Variants in CEP120 observed in about 807,000 individuals in gnomAD.
CEP120 encodes the protein centrosomal protein of 120 kDa.
In CEP120, 113 loss-of-function variants were observed where a neutral mutation model predicts 126.5. The ratio of observed to expected loss-of-function variants is 0.89; its 90% CI spans 0.77 to 1.04. The LOEUF is 1.04. CEP120 is among the 50% of genes least tolerant of loss of function. The pLI is 0.00. For missense variants in CEP120, 1,230 were observed against 1,155.7 expected, an observed-to-expected ratio of 1.06 and a Z score of -0.93; for synonymous variants, 400 against 394.3, an observed-to-expected ratio of 1.01 and a Z score of -0.17.
chr5:123,383,593 C>G (rs1042226639), intron 11 of CEP120, among the ~76,000 whole-genome samples: 1 of 151,976 alleles, frequency 6.6e-6, no homozygotes, highest in Non-Finnish European at 1.5e-5. Flanking sequence ...AATTCCCCTA[C>G]TCTTGATTAT....
chr5:123,393,296 T>C lies in CEP120; in HGVS notation c.810+4A>G, dbSNP rs1056274752. ...AGCTAAAAACGATTTGCTGCAATAC[T>C]CACCTGCAGTTTAGACTGAAGAGCC... is the stretch of plus-strand genomic sequence containing the variant. On this transcript the variant is annotated splice_donor_region_variant and intron_variant, in intron 6 of 19. Coordinates refer to ENST00000306467, the MANE Select transcript of CEP120 (RefSeq NM_001375405.1). The C allele has an allele frequency of 6.2e-6, 10 of 1,613,798 alleles. No individual in the cohort carries two copies. The African/African-American group carries it at 1.1e-4, about 17-fold the overall frequency.
chr5:123,399,326 C>T (rs887389378), intron 4 of CEP120, 42 bp from the exon 5 acceptor site: 8 of 1,573,888 alleles, frequency 5.1e-6, no homozygotes, highest in Non-Finnish European at 6.1e-6. Context: ...TGTAGTTTGT[C>T]ATAAACCATT....
At chr5:123,380,325 C>CA (rs984567935) in intron 14 of CEP120, among the ~76,000 whole-genome samples, 2 of 151,980 alleles carry the variant, frequency 1.3e-5, no homozygotes, top group Non-Finnish European at 2.9e-5. Context: ...TATTTGGTCT[C>CA]AAAAATGCAC....
chr5:123,382,960 AT>A (rs1562041036), intron 12 of CEP120, 25 bp downstream of exon 12: 1 of 1,596,066 alleles, frequency 6.3e-7, no homozygotes, highest in East Asian at 2.2e-5. Context: ...TTTAAAAAAA[AT>A]TTGATAACAT....
chr5:123,388,346 G>T, intron 9 of CEP120, 86 bp downstream of exon 9: 3 of 872,670 alleles, frequency 3.4e-6, no homozygotes, highest in Non-Finnish European at 3.3e-6. Context: ...TAACTTCTTT[G>T]GTGACATTTC....
At chr5:123,379,091 T>C (rs1027502450) in intron 14 of CEP120, among the ~76,000 whole-genome samples, 1 of 151,870 alleles carries the variant, frequency 6.6e-6, no homozygotes, top group African/African-American at 2.4e-5. Flanking sequence ...AAGACAGAGA[T>C]AAACCGGGTA....
intron 4 of CEP120, chr5:123,401,558 T>G: frequency 1.5e-6 from 2 of 1,354,558 alleles, no homozygotes; most frequent in Non-Finnish European, 2.1e-6. Flanking sequence ...TGCCTTGACC[T>G]CAGCGATGAC....
At chr5:123,355,047 G>C (rs956253909) in intron 18 of CEP120, among the ~76,000 whole-genome samples, 21 of 147,104 alleles carry the variant, frequency 1.4e-4, no homozygotes, top group African/African-American at 5.3e-4. Context: ...TTGGTTTTTT[G>C]TCCTTGCAAT....
chr5:123,415,722 T>C (rs1023475272), intron 3 of CEP120, among the ~76,000 whole-genome samples: 14 of 151,996 alleles, frequency 9.2e-5, no homozygotes, highest in African/African-American at 3.4e-4. Context: ...AATACAAAAG[T>C]TAGCCAGGCG....
intron 18 of CEP120, among the ~76,000 whole-genome samples, chr5:123,355,535 A>G (rs1288893344): frequency 6.6e-6 from 1 of 152,198 alleles, no homozygotes; most frequent in East Asian, 1.9e-4. Context: ...TCTGATGGCC[A>G]GTGATGATGA....
At chr5:123,413,683 T>C (rs1000555550) in intron 3 of CEP120, among the ~76,000 whole-genome samples, 10 of 152,222 alleles carry the variant, frequency 6.6e-5, no homozygotes, top group African/African-American at 2.4e-4. Flanking sequence ...GTGCCTATAC[T>C]GCTATTTTAT....
intron 3 of CEP120, among the ~76,000 whole-genome samples, chr5:123,414,809 T>TA (rs1774276326): frequency 1.4e-5 from 2 of 147,762 alleles, no homozygotes; most frequent in Non-Finnish European, 3.0e-5. Context: ...TACTAAAAAT[T>TA]CAAAAAAAAA....
intron 11 of CEP120, 62 bp from the exon 12 acceptor site, chr5:123,383,144 T>A: frequency 3.0e-6 from 3 of 1,013,828 alleles, no homozygotes; most frequent in Non-Finnish European, 4.3e-6. Context: ...TTTTTCCTTT[T>A]ATTTCCCCAG....
chr5:123,402,527 T>C (rs1295712823), intron 4 of CEP120, among the ~76,000 whole-genome samples: 1 of 152,120 alleles, frequency 6.6e-6, no homozygotes, highest in Non-Finnish European at 1.5e-5. Context: ...TTCTGCTGCC[T>C]CCGCCTCCTG....
At chr5:123,377,746 A>G (rs1345257168) in intron 15 of CEP120, among the ~76,000 whole-genome samples, 1 of 152,158 alleles carries the variant, frequency 6.6e-6, no homozygotes, top group Non-Finnish European at 1.5e-5. Context: ...ATAAAAATCC[A>G]TAAACAATTT....
At chr5:123,349,648 T>C (rs1191355239) in intron 19 of CEP120, among the ~76,000 whole-genome samples, 1 of 152,140 alleles carries the variant, frequency 6.6e-6, no homozygotes, top group Non-Finnish European at 1.5e-5. Context: ...TTTCTTTCTT[T>C]TTAGATTTGA....
In CEP120 at chr5:123,414,684, C is replaced by T. The variant is rs190959938; in HGVS notation, c.321+1326G>A. 1.5e-3 allele frequency among the ~76,000 whole-genome samples: 234 copies of T among 152,078 alleles called. 2 individuals carry two copies. Among genetic ancestry groups the T allele is most frequent in the Non-Finnish European group, 5.1e-4 (35 of 67,978 alleles). ...AGAAGATACTTAAAGCGCTAAGCAGCGGCCGGGCGCGGTGGCTCACGCCTG... is the reference window on the plus strand; with the variant it reads ...AGAAGATACTTAAAGCGCTAAGCAGTGGCCGGGCGCGGTGGCTCACGCCTG... On this transcript the variant is annotated intron_variant, in intron 3 of 19. Coordinates refer to ENST00000306467, the MANE Select transcript of CEP120 (RefSeq NM_001375405.1).
chr5:123,367,572 A>G (rs971204580), intron 17 of CEP120, among the ~76,000 whole-genome samples: 1 of 151,744 alleles, frequency 6.6e-6, no homozygotes, highest in Non-Finnish European at 1.5e-5. Flanking sequence ...CAATGCAAAC[A>G]TCCCAAAATC....
Position 123,418,412 on chromosome 5 carries a change from T to A in CEP120, c.153A>T (p.Glu51Asp). 6.2e-7 allele frequency: 1 copy of A among 1,611,996 alleles called. No homozygotes were observed. Among genetic ancestry groups the A allele is most frequent in the East Asian group, 2.2e-5 (1 of 44,856 alleles). Residue 51 changes from glutamate (E) to aspartate (D), a missense_variant, in exon 2 of 20, where the codon GAA becomes GAT. Glu to Asp is a conservative substitution (Grantham distance 45, BLOSUM62 2). Coordinates refer to ENST00000306467, the MANE Select transcript of CEP120 (RefSeq NM_001375405.1). ...TTTCCCAAGCTAACTCAGTAGCAAA[T>A]TCTGGCTGGTCAGTGTGGTCCACAG... ...TDPVDHTDQP[E>D]FATELAWEID...
Sources: gnomAD v4.1 joint callset for allele counts (sites outside exome capture counted in the v4.1 genomes callset) on GRCh38, gnomAD v4.1.1 for gene constraint, MANE v1.5 for transcripts, NCBI Gene and HGNC (gene_info 2026-07-23, HGNC 2026-07-21) for gene names.